SNX13: variants seen among roughly 807,000 people sequenced by gnomAD.
SNX13 encodes sorting nexin 13.
Under a neutral mutation model 133.6 loss-of-function variants are expected in SNX13, and 45 were observed. The ratio of observed to expected loss-of-function variants is 0.34; its 90% confidence interval spans 0.27 to 0.43. The LOEUF (loss-of-function observed/expected upper bound fraction) is 0.43. Ranked by LOEUF, SNX13 falls within the 20% of genes least tolerant of loss-of-function variation. The pLI is 1.00. For missense variants in SNX13, 1,032 were observed against 1,145.1 expected, an observed-to-expected ratio of 0.90 and a Z score of 1.43; for synonymous variants, 414 against 373.9, an observed-to-expected ratio of 1.11 and a Z score of -1.24.
chr7:17,813,339 T>A (rs935001352), intron 20 of SNX13, among the ~76,000 whole-genome samples: 7 of 152,136 alleles, frequency 4.6e-5, no homozygotes, highest in Admixed American at 1.3e-4. Flanking sequence ...ATAAAACTGT[T>A]CCAAGTTGGA....
chr7:17,840,591 G>C (rs556414212), intron 12 of SNX13, among the ~76,000 whole-genome samples: 17 of 151,994 alleles, frequency 1.1e-4, no homozygotes, highest in African/African-American at 4.1e-4. Context: ...ATTTGCATTA[G>C]AATTTCCTAG....
chr7:17,900,775 C>A (rs1398847155), intron 1 of SNX13, among the ~76,000 whole-genome samples: 1 of 152,124 alleles, frequency 6.6e-6, no homozygotes, highest in Non-Finnish European at 1.5e-5. Context: ...GAATCAGGGA[C>A]CCCAAGAGCC....
At chr7:17,903,015 C>G (rs1798006731) in intron 1 of SNX13, among the ~76,000 whole-genome samples, 1 of 152,142 alleles carries the variant, frequency 6.6e-6, no homozygotes, top group African/African-American at 2.4e-5. Flanking sequence ...GAAAAATTGT[C>G]TTCCATGAAA....
intron 1 of SNX13, among the ~76,000 whole-genome samples, chr7:17,924,556 A>C (rs1800514162): frequency 6.6e-6 from 1 of 152,216 alleles, no homozygotes; most frequent in African/African-American, 2.4e-5. Flanking sequence ...AATAGTTTGC[A>C]GTTTCTCAAA....
At chr7:17,799,387 T>C (rs993655715) in intron 22 of SNX13, among the ~76,000 whole-genome samples, 2 of 151,756 alleles carry the variant, frequency 1.3e-5, no homozygotes, top group African/African-American at 4.8e-5. Context: ...AGGCTATAGT[T>C]TAACATTTTC....
rs762139391 is a variant in SNX13 at position 17,794,024 on chromosome 7, C to A, written c.*21G>T. On this transcript the variant is annotated 3_prime_UTR_variant, in exon 26 of 26. Coordinates refer to ENST00000428135, the MANE Select transcript of SNX13 (RefSeq NM_015132.5). ...CCATTAGTCCTGGACAAAATGAACA[C>A]CAGCTTCATAGAGTGGAGTGTCACC... 6.2e-7 allele frequency: 1 copy of A among 1,607,224 alleles called. No individual in the cohort carries two copies. The highest frequency in any genetic ancestry group is 1.1e-5 in the South Asian group (1 of 90,342).
At chr7:17,858,942 C>T (rs1209241384) in intron 9 of SNX13, among the ~76,000 whole-genome samples, 1 of 152,046 alleles carries the variant, frequency 6.6e-6, no homozygotes, top group Non-Finnish European at 1.5e-5. Flanking sequence ...TCATATTCCA[C>T]ACACATAAAA....
Position 17,875,734 on chromosome 7 carries a change from C to G in SNX13, c.497G>C (p.Gly166Ala), listed in dbSNP as rs779578169. Residue 166 changes from glycine to alanine, a missense_variant, in exon 6 of 26, where the codon GGC becomes GCC. By Grantham distance (60) the Gly-to-Ala change is moderately conservative (BLOSUM62 0). Coordinates refer to ENST00000428135, the MANE Select transcript of SNX13 (RefSeq NM_015132.5). ...YFTTRIVDDF[G>A]THLRVFRKAQ... ...CTTTCTGAATACTCGTAAGTGTGTG[C>G]CAAAGTCATCTACAATGCGTGTAGT... 1 of 1,612,544 alleles carries G rather than the reference C, an allele frequency of 6.2e-7. No homozygotes were observed. Among genetic ancestry groups the G allele is most frequent in the South Asian group, 1.1e-5 (1 of 90,894 alleles).
chr7:17,924,125 A>C (rs1171631533), intron 1 of SNX13, among the ~76,000 whole-genome samples: 1 of 152,190 alleles, frequency 6.6e-6, no homozygotes, highest in African/African-American at 2.4e-5. Context: ...AACAAGGTAA[A>C]CATAAATCAG....
At chr7:17,906,793 G>A (rs1207813010) in intron 1 of SNX13, among the ~76,000 whole-genome samples, 1 of 152,090 alleles carries the variant, frequency 6.6e-6, no homozygotes, top group African/African-American at 2.4e-5. Flanking sequence ...TCAACCAACA[G>A]AAGAGCCAAA....
chr7:17,806,549 C>A (rs756273747), intron 20 of SNX13, among the ~76,000 whole-genome samples: 6 of 152,068 alleles, frequency 3.9e-5, no homozygotes, highest in Non-Finnish European at 7.4e-5. Flanking sequence ...GTCAACATGA[C>A]CTTGGTTATC....
At chr7:17,839,463 CATTT>C (rs1229720852) in intron 13 of SNX13, among the ~76,000 whole-genome samples, 1 of 151,840 alleles carries the variant, frequency 6.6e-6, no homozygotes, top group Non-Finnish European at 1.5e-5. Context: ...TTAATACATA[CATTT>C]AAACATATAT....
chr7:17,836,884 T>G (rs1258728433), intron 13 of SNX13, among the ~76,000 whole-genome samples: 1 of 152,056 alleles, frequency 6.6e-6, no homozygotes, highest in African/African-American at 2.4e-5. Flanking sequence ...ATTATCTATA[T>G]TTAACAAAAA....
intron 1 of SNX13, among the ~76,000 whole-genome samples, chr7:17,915,618 TCTG>T (rs1799467977): frequency 1.3e-5 from 2 of 150,980 alleles, no homozygotes; most frequent in African/African-American, 2.5e-5. Context: ...TCTCTGTCTG[TCTG>T]TCTGTCTGTC....
At chr7:17,917,384 A>C (rs1284987487) in intron 1 of SNX13, among the ~76,000 whole-genome samples, 1 of 152,192 alleles carries the variant, frequency 6.6e-6, no homozygotes, top group Non-Finnish European at 1.5e-5. Flanking sequence ...CCCTTTGCTG[A>C]CCATATGATT....
intron 18 of SNX13, among the ~76,000 whole-genome samples, chr7:17,816,928 A>C (rs1409837200): frequency 1.3e-5 from 2 of 152,230 alleles, no homozygotes; most frequent in Non-Finnish European, 2.9e-5. Flanking sequence ...GGTTTTAAAA[A>C]ATATTTTCCT....
chr7:17,891,937 T>G (rs1302372821), intron 3 of SNX13, among the ~76,000 whole-genome samples: 1 of 152,124 alleles, frequency 6.6e-6, no homozygotes, highest in African/African-American at 2.4e-5. Flanking sequence ...ATAAAATTAG[T>G]GTTTCATGTG....
At chr7:17,856,300 A>C (rs1276068681) in intron 9 of SNX13, among the ~76,000 whole-genome samples, 1 of 152,252 alleles carries the variant, frequency 6.6e-6, no homozygotes, top group Non-Finnish European at 1.5e-5. Context: ...CATGGTAATG[A>C]CAATCCAAAA....
intron 20 of SNX13, among the ~76,000 whole-genome samples, chr7:17,811,690 A>G (rs1422146994): frequency 6.6e-6 from 1 of 152,124 alleles, no homozygotes. Context: ...TATAGACAAG[A>G]GAATCCTAAG....
Sources: gnomAD v4.1 joint callset for allele counts (sites outside exome capture counted in the v4.1 genomes callset) on GRCh38, gnomAD v4.1.1 for gene constraint, MANE v1.5 for transcripts, NCBI Gene and HGNC (gene_info 2026-07-23, HGNC 2026-07-21) for gene names.